Variants in DIAPH3 observed in about 807,000 individuals in gnomAD.
DIAPH3 encodes the protein diaphanous related formin 3, also known as protein diaphanous homolog 3.
DIAPH3 carries 117 observed loss-of-function variants against 144.3 expected under a neutral mutation model. That is an observed-to-expected ratio of 0.81 (90% CI 0.70 to 0.95). The LOEUF (loss-of-function observed/expected upper bound fraction) is 0.95, where lower values mean the gene tolerates loss of function less well. DIAPH3 is among the 40% of genes least tolerant of loss of function. DIAPH3 has a pLI of 0.00. For synonymous variants in DIAPH3, 519 were observed against 488.9 expected, an observed-to-expected ratio of 1.06 and a Z score of -0.81; for missense variants, 1,421 against 1,412.7, an observed-to-expected ratio of 1.01 and a Z score of -0.09.
intron 27 of DIAPH3, among the ~76,000 whole-genome samples, chr13:59,679,492 C>CCTG (rs1156460120): frequency 1.3e-5 from 2 of 152,086 alleles, no homozygotes; most frequent in African/African-American, 4.8e-5. Flanking sequence ...CCTCCTGTCT[C>CCTG]TATGGTAACA....
At chr13:60,010,833 C>T (rs897127736) in intron 7 of DIAPH3, among the ~76,000 whole-genome samples, 164 bp from the exon 8 acceptor site, 70 of 152,156 alleles carry the variant, frequency 4.6e-4, no homozygotes, top group Non-Finnish European at 7.6e-4. Flanking sequence ...TGGCTGGGCA[C>T]GGTGGTTCAC....
At chr13:60,057,001 G>A (rs1024352778) in intron 4 of DIAPH3, among the ~76,000 whole-genome samples, 2 of 151,810 alleles carry the variant, frequency 1.3e-5, no homozygotes, top group African/African-American at 4.8e-5. Flanking sequence ...ACTTGAACAA[G>A]GCAAGGATGC....
chr13:59,953,751 T>C lies in DIAPH3; in HGVS notation c.2074+16193A>G, dbSNP rs375029058. On this transcript the variant is annotated intron_variant, in intron 17 of 27. Transcript: ENST00000400324. The stretch of plus-strand genomic sequence containing the variant: ...TTGCAGAAGGCTACAAATGCCAGAC[T>C]GAGAAGTCCCTTTTCTTTTTAATCT... 5.0e-4 allele frequency among the ~76,000 whole-genome samples: 76 copies of C among 152,310 alleles called. 3 individuals carry two copies. The South Asian group carries it at 0.015, about 30-fold the overall frequency.
At chr13:59,827,125 A>G (rs2041480332) in intron 24 of DIAPH3, among the ~76,000 whole-genome samples, 1 of 152,186 alleles carries the variant, frequency 6.6e-6, no homozygotes, top group Non-Finnish European at 1.5e-5. Context: ...GGCATGGGCA[A>G]GGACTTCATG....
intron 27 of DIAPH3, among the ~76,000 whole-genome samples, chr13:59,772,441 T>G (rs1757995791): frequency 6.6e-6 from 1 of 152,104 alleles, no homozygotes; most frequent in Admixed American, 6.6e-5. Context: ...TGATATATCT[T>G]GTTCGGCTTG....
intron 18 of DIAPH3, among the ~76,000 whole-genome samples, chr13:59,921,947 AC>A (rs1320328394): frequency 6.6e-6 from 1 of 152,128 alleles, no homozygotes; most frequent in Non-Finnish European, 1.5e-5. Context: ...AGCATGGAAG[AC>A]AAAACCATAT....
At chr13:60,030,746 G>A (rs925985655) in intron 5 of DIAPH3, among the ~76,000 whole-genome samples, 1 of 152,132 alleles carries the variant, frequency 6.6e-6, no homozygotes. Context: ...TTGTCCAATA[G>A]GGTAGCCTCT....
At chr13:59,737,148 T>A (rs2036197119) in intron 27 of DIAPH3, among the ~76,000 whole-genome samples, 2 of 152,098 alleles carry the variant, frequency 1.3e-5, no homozygotes, top group South Asian at 4.1e-4. Context: ...AATTGACAAA[T>A]GGAATCTAAT....
At chr13:59,667,976 A>T (rs150207761) in intron 27 of DIAPH3, among the ~76,000 whole-genome samples, 2 of 152,346 alleles carry the variant, frequency 1.3e-5, no homozygotes, top group African/African-American at 4.8e-5. Context: ...TTCTGACCAG[A>T]GGCTTCCAGT....
intron 1 of DIAPH3, among the ~76,000 whole-genome samples, chr13:60,142,860 C>A (rs1367509892): frequency 6.6e-6 from 1 of 151,944 alleles, no homozygotes; most frequent in African/African-American, 2.4e-5. Flanking sequence ...TGAGCTCAAG[C>A]GATCAGCTTC....
At chr13:59,672,422 T>C (rs1455005997) in intron 27 of DIAPH3, among the ~76,000 whole-genome samples, 3 of 152,196 alleles carry the variant, frequency 2.0e-5, no homozygotes, top group Non-Finnish European at 4.4e-5. Context: ...ATCTATTCAG[T>C]GTTCCTGAAA....
chr13:60,080,775 T>C (rs1463092575), intron 4 of DIAPH3, among the ~76,000 whole-genome samples: 2 of 151,956 alleles, frequency 1.3e-5, no homozygotes, highest in Non-Finnish European at 2.9e-5. Flanking sequence ...AATCATTCAG[T>C]GTCAACTCTA....
At chr13:59,708,470 A>G (rs2034550448) in intron 27 of DIAPH3, among the ~76,000 whole-genome samples, 1 of 152,092 alleles carries the variant, frequency 6.6e-6, no homozygotes, top group Admixed American at 6.5e-5. Context: ...ACCAAATCCA[A>G]TGGTCGTTTT....
chr13:60,085,816 C>T (rs2057727270), intron 4 of DIAPH3, among the ~76,000 whole-genome samples: 1 of 152,060 alleles, frequency 6.6e-6, no homozygotes, highest in Non-Finnish European at 1.5e-5. Context: ...TCACTACATT[C>T]ATGGTTATCT....
intron 15 of DIAPH3, among the ~76,000 whole-genome samples, chr13:59,972,880 T>C (rs965363610): frequency 7.2e-5 from 11 of 151,992 alleles, no homozygotes; most frequent in Non-Finnish European, 8.8e-5. Context: ...AGGAATTAAA[T>C]CACAGATAAC....
chr13:60,019,758 T>C (rs920219799), intron 5 of DIAPH3, among the ~76,000 whole-genome samples: 1 of 152,148 alleles, frequency 6.6e-6, no homozygotes, highest in Non-Finnish European at 1.5e-5. Flanking sequence ...TGTAAAGTGG[T>C]TTCTGACATG....
intron 18 of DIAPH3, among the ~76,000 whole-genome samples, chr13:59,921,491 T>C (rs1241046470): frequency 6.6e-6 from 1 of 151,654 alleles, no homozygotes; most frequent in Non-Finnish European, 1.5e-5. Flanking sequence ...AAAAAATGGA[T>C]AAAATCCTAG....
At chr13:60,144,036 A>G (rs1951393884) in intron 1 of DIAPH3, among the ~76,000 whole-genome samples, 1 of 152,116 alleles carries the variant, frequency 6.6e-6, no homozygotes. Flanking sequence ...TGGGTCACCG[A>G]TAATGGTTTG....
chr13:59,723,380 C>A (rs2035438523), intron 27 of DIAPH3, among the ~76,000 whole-genome samples: 1 of 152,152 alleles, frequency 6.6e-6, no homozygotes, highest in African/African-American at 2.4e-5. Context: ...TACATCTGCT[C>A]CTGCTACGCA....
Sources: gnomAD v4.1 joint callset for allele counts (sites outside exome capture counted in the v4.1 genomes callset) on GRCh38, gnomAD v4.1.1 for gene constraint, MANE v1.5 for transcripts, NCBI Gene and HGNC (gene_info 2026-07-23, HGNC 2026-07-21) for gene names.